Variants in NGEF observed in about 807,000 individuals in gnomAD.
NGEF encodes the protein neuronal guanine nucleotide exchange factor.
NGEF carries 31 observed loss-of-function variants against 80.9 expected under a neutral mutation model. That is an observed-to-expected ratio of 0.38 (90% CI 0.29 to 0.52). The LOEUF is 0.52. NGEF is among the 20% of genes least tolerant of loss of function. The pLI is 0.84. For missense variants in NGEF, 709 were observed against 926.2 expected (o/e 0.77, Z 3.04); for synonymous variants, 371 against 370.2 (o/e 1.00, Z -0.03).
chr2:232,942,731 G>A (rs577133962), intron 3 of NGEF, among the ~76,000 whole-genome samples: 22 of 151,094 alleles, frequency 1.5e-4, no homozygotes, highest in Non-Finnish European at 2.1e-4. Context: ...AAAAATTAGC[G>A]CGTGGAGGCG....
chr2:232,904,663 G>A (rs1692447753), intron 5 of NGEF, among the ~76,000 whole-genome samples: 1 of 152,226 alleles, frequency 6.6e-6, no homozygotes, highest in South Asian at 2.1e-4. Context: ...AAAAACTGAG[G>A]CCTAGCATGG....
At chr2:232,992,197 A>C (rs367715546) in intron 1 of NGEF, among the ~76,000 whole-genome samples, 61 of 152,330 alleles carry the variant, frequency 4.0e-4, no homozygotes, top group African/African-American at 1.3e-3. Context: ...CTGCACAAGC[A>C]ACAAAAGAAA....
chr2:232,982,362 G>A (rs537961226), intron 1 of NGEF, among the ~76,000 whole-genome samples: 3 of 152,278 alleles, frequency 2.0e-5, no homozygotes, highest in Admixed American at 6.5e-5. Flanking sequence ...CATCAAGGGG[G>A]CAGGAAGATG....
intron 1 of NGEF, among the ~76,000 whole-genome samples, chr2:232,987,857 C>A (rs1321934876): frequency 6.6e-6 from 1 of 152,060 alleles, no homozygotes; most frequent in African/African-American, 2.4e-5. Flanking sequence ...TACAAGAAGA[C>A]CCTAGAGTTC....
chr2:232,928,020 T>A, intron 3 of NGEF: 1 of 960,466 alleles, frequency 1.0e-6, no homozygotes, highest in East Asian at 6.5e-5. Context: ...GCGGGGCGGG[T>A]GCGGGGGCCG....
chr2:232,947,610 G>T (rs575610613), intron 3 of NGEF, among the ~76,000 whole-genome samples: 1 of 152,094 alleles, frequency 6.6e-6, no homozygotes, highest in South Asian at 2.1e-4. Context: ...TGTCTGCTTC[G>T]CCTTCTGCCA....
intron 4 of NGEF, among the ~76,000 whole-genome samples, chr2:232,921,921 C>T (rs575314307): frequency 9.2e-5 from 14 of 152,234 alleles, no homozygotes; most frequent in African/African-American, 3.1e-4. Context: ...GATAGAATAA[C>T]ATTCAGGTGA....
chr2:233,011,231 A>T (rs374979213), intron 1 of NGEF, among the ~76,000 whole-genome samples: 3 of 151,704 alleles, frequency 2.0e-5, no homozygotes, highest in African/African-American at 2.4e-5. Flanking sequence ...AAAGCCTCAC[A>T]CATACACTGT....
chr2:232,951,866 G>C lies in NGEF; in HGVS notation c.383+18348C>G, dbSNP rs543259318. On this transcript the variant is annotated intron_variant, in intron 3 of 14. Transcript: ENST00000264051. ...TATAGTCAATGTAACAGGGAATTTT[G>C]AGTGGCAGGTTTATTTTTTTTTTAT... 2.8e-4 allele frequency among the ~76,000 whole-genome samples: 43 copies of C among 152,216 alleles called. No homozygotes were observed. The South Asian group carries it at 7.7e-3, about 27-fold the overall frequency.
At position 232,884,148 on chromosome 2, in the gene NGEF, C is replaced by A; in HGVS notation, c.1438-4G>T. ...AGTGGGAGATGATGGGCACCGACTG[C>A]AGCGGGGAAAGGGCATCAGGCAGGC... On this transcript the variant is annotated splice_region_variant and splice_polypyrimidine_tract_variant and intron_variant, in intron 10 of 14. Coordinates refer to ENST00000264051, the MANE Select transcript of NGEF (RefSeq NM_019850.3). The A allele has an allele frequency of 1.3e-6, 2 of 1,590,312 alleles. No individual in the cohort carries two copies. The highest frequency in any genetic ancestry group is 1.7e-6 in the Non-Finnish European group (2 of 1,172,206).
At chr2:232,997,576 A>C (rs953666911) in intron 1 of NGEF, among the ~76,000 whole-genome samples, 1 of 152,128 alleles carries the variant, frequency 6.6e-6, no homozygotes, top group Non-Finnish European at 1.5e-5. Flanking sequence ...TCACGGCACC[A>C]GTCGACTCCC....
chr2:232,923,082 C>A (rs1313725886), intron 4 of NGEF, among the ~76,000 whole-genome samples: 6 of 148,832 alleles, frequency 4.0e-5, no homozygotes, highest in Non-Finnish European at 7.5e-5. Context: ...GAAAAAAAAA[C>A]AAAAAACAAA....
chr2:232,975,339 T>A (rs140470498), intron 1 of NGEF, among the ~76,000 whole-genome samples: 21 of 152,238 alleles, frequency 1.4e-4, no homozygotes, highest in African/African-American at 5.1e-4. Context: ...GAAAAGAAAG[T>A]CTCAGAAGAT....
chr2:232,920,142 A>C, intron 5 of NGEF, 142 bp downstream of exon 5: 1 of 739,746 alleles, frequency 1.4e-6, no homozygotes. Context: ...ATTTTTCTGC[A>C]TGTTCTAGAT....
At chr2:232,882,403 A>G in intron 12 of NGEF, 138 bp from the exon 13 acceptor site, 2 of 743,192 alleles carry the variant, frequency 2.7e-6, no homozygotes, top group African/African-American at 1.7e-5. Flanking sequence ...CCCCAGGGAC[A>G]GCTCGGGGGA....
At chr2:232,899,926 G>A (rs1374166116) in intron 5 of NGEF, among the ~76,000 whole-genome samples, 1 of 121,142 alleles carries the variant, frequency 8.3e-6, no homozygotes, top group African/African-American at 3.3e-5. Context: ...TCATATACAC[G>A]TTCACTCACA....
intron 5 of NGEF, among the ~76,000 whole-genome samples, chr2:232,906,582 C>T (rs1172459845): frequency 1.9e-5 from 1 of 53,706 alleles, no homozygotes; most frequent in Non-Finnish European, 4.1e-5. Flanking sequence ...CACCTCCCTC[C>T]GGCCACCCCT....
intron 5 of NGEF, among the ~76,000 whole-genome samples, chr2:232,914,872 C>G (rs1692761962): frequency 6.6e-6 from 1 of 151,918 alleles, no homozygotes; most frequent in Non-Finnish European, 1.5e-5. Flanking sequence ...CAAAAATTAC[C>G]TGGGCGTGGT....
chr2:232,974,859 T>C lies in NGEF; in HGVS notation c.32A>G (p.Lys11Arg). 2 of 1,613,756 alleles carry C rather than the reference T, an allele frequency of 1.2e-6. No individual in the cohort carries two copies. Among genetic ancestry groups the C allele is most frequent in the Non-Finnish European group, 1.7e-6 (2 of 1,179,916 alleles). The change falls in exon 2 of 15, where the codon AAG becomes AGG. Residue 11 changes from lysine (K) to arginine (R), a missense_variant. Physicochemically the swap from Lys to Arg is conservative, Grantham distance 26. Around this residue, in one of 2 missense-constraint regions of NGEF, gnomAD observed 283 missense variants for 303.4 expected, o/e 0.93. Transcript: ENST00000264051. METRESEDLE[K>R]TRRKSASDQW... ...ATCACTTGCTGATTTCCTCCGGGTC[T>C]TTTCCAAATCTTCAGATTCCCTGGT...
Sources: gnomAD v4.1 joint callset for allele counts (sites outside exome capture counted in the v4.1 genomes callset) on GRCh38, gnomAD v4.1.1 for gene constraint, gnomAD v4.1.1 regional missense constraint, MANE v1.5 for transcripts, NCBI Gene and HGNC (gene_info 2026-07-23, HGNC 2026-07-21) for gene names.